CEP85L: variants seen among roughly 807,000 people sequenced by gnomAD.
CEP85L encodes the protein centrosomal protein of 85 kDa-like.
A neutral mutation model predicts 100.3 loss-of-function variants in CEP85L; 60 were observed. The observed-to-expected ratio is 0.60, with a 90% CI of 0.49 to 0.74. The LOEUF (loss-of-function observed/expected upper bound fraction) is 0.74. CEP85L is among the 30% of genes least tolerant of loss of function. CEP85L has a pLI of 0.00. For synonymous variants in CEP85L, 319 were observed against 322.7 expected (o/e 0.99, Z 0.12); for missense variants, 973 against 936.2 (o/e 1.04, Z -0.51).
At chr6:118,673,908 T>G (rs1452841719) in intron 1 of CEP85L, among the ~76,000 whole-genome samples, 1 of 152,166 alleles carries the variant, frequency 6.6e-6, no homozygotes, top group Non-Finnish European at 1.5e-5. Flanking sequence ...AACAAAAATC[T>G]TTAGAAAAAT....
chr6:118,494,012 A>G (rs907706270), intron 5 of CEP85L, among the ~76,000 whole-genome samples: 4 of 152,182 alleles, frequency 2.6e-5, no homozygotes, highest in African/African-American at 9.7e-5. Context: ...TGAAATATCA[A>G]CAAGTCTTCT....
At chr6:118,656,541 CTTGATA>C (rs1297703491), upstream of CEP85L, among the ~76,000 whole-genome samples, 1 of 152,156 alleles carries the variant, frequency 6.6e-6, no homozygotes, top group Non-Finnish European at 1.5e-5. Flanking sequence ...CAAGAAAGAC[CTTGATA>C]TTCAGCCATG....
At chr6:118,501,695 G>GA (rs1775312192) in intron 5 of CEP85L, 2 of 673,688 alleles carry the variant, frequency 3.0e-6, no homozygotes, top group Non-Finnish European at 5.5e-6. Flanking sequence ...TTTTAGCCAG[G>GA]AAAAAATTCA....
intron 1 of CEP85L, among the ~76,000 whole-genome samples, chr6:118,649,805 C>T (rs1022492054): frequency 1.3e-5 from 2 of 152,096 alleles, no homozygotes; most frequent in Non-Finnish European, 2.9e-5. Context: ...CAGGATCAAA[C>T]TTAAGTGAAT....
At chr6:118,476,473 C>CA (rs555126380) in intron 10 of CEP85L, among the ~76,000 whole-genome samples, 309 of 151,858 alleles carry the variant, frequency 2.0e-3, no homozygotes, top group African/African-American at 7.2e-3. Context: ...ATTCGGATAA[C>CA]AAAAAATAGG....
At chr6:118,580,689 T>G (rs1243863732) in intron 2 of CEP85L, among the ~76,000 whole-genome samples, 1 of 152,230 alleles carries the variant, frequency 6.6e-6, no homozygotes, top group Non-Finnish European at 1.5e-5. Flanking sequence ...GGGCACACCC[T>G]GGTGTGACTC....
intron 6 of CEP85L, 56 bp from the exon 7 acceptor site, chr6:118,483,914 A>G (rs939237037): frequency 6.6e-7 from 1 of 1,511,436 alleles, no homozygotes; most frequent in South Asian, 1.2e-5. Flanking sequence ...AAGATATAAC[A>G]AAACCAACAC....
chr6:118,699,720 C>T lies in CEP85L; in HGVS notation c.-28+10316G>A, dbSNP rs1437872173. Among the ~76,000 whole-genome samples the T allele has an allele frequency of 2.6e-5, 4 of 152,104 alleles. No homozygotes were observed. In the South Asian group the frequency reaches 6.2e-4, roughly 24 times the overall value. The stretch of plus-strand genomic sequence containing the variant: ...ATTATTATTATTTTTGAGACAGAGT[C>T]TCACTCTGTCATGCAGGCTGGAGGA... On this transcript the variant is annotated intron_variant, in intron 1 of 13. Coordinates refer to the CEP85L transcript ENST00000368488.
At chr6:118,594,779 C>G (rs1201936427) in intron 2 of CEP85L, among the ~76,000 whole-genome samples, 1 of 150,694 alleles carries the variant, frequency 6.6e-6, no homozygotes, top group Non-Finnish European at 1.5e-5. Context: ...TGGCGTGAAC[C>G]CGGGAGGCGG....
intron 2 of CEP85L, among the ~76,000 whole-genome samples, chr6:118,599,762 A>G (rs978411744): frequency 6.6e-6 from 1 of 152,222 alleles, no homozygotes; most frequent in African/African-American, 2.4e-5. Context: ...ATATTTTCAT[A>G]TCTGTAGTAT....
intron 2 of CEP85L, among the ~76,000 whole-genome samples, chr6:118,616,163 A>C (rs1399830671): frequency 6.6e-6 from 1 of 152,218 alleles, no homozygotes; most frequent in Non-Finnish European, 1.5e-5. Flanking sequence ...AAGAGTTCTT[A>C]AACTTGACAT....
chr6:118,505,864 A>C (rs1331368177), intron 5 of CEP85L, among the ~76,000 whole-genome samples: 1 of 152,174 alleles, frequency 6.6e-6, no homozygotes, highest in Non-Finnish European at 1.5e-5. Context: ...ACCAGGAGTG[A>C]TCCTAATATA....
intron 2 of CEP85L, among the ~76,000 whole-genome samples, chr6:118,592,158 T>G (rs1781224413): frequency 6.6e-6 from 1 of 152,196 alleles, no homozygotes; most frequent in Non-Finnish European, 1.5e-5. Context: ...TATATTATCC[T>G]ACACTATATC....
At chr6:118,678,449 A>G (rs1776547010) in intron 1 of CEP85L, among the ~76,000 whole-genome samples, 1 of 152,232 alleles carries the variant, frequency 6.6e-6, no homozygotes, top group Non-Finnish European at 1.5e-5. Context: ...GCAGCACATC[A>G]GAAAATCCAC....
intron 1 of CEP85L, among the ~76,000 whole-genome samples, chr6:118,685,262 A>G (rs576268943): frequency 1.6e-4 from 25 of 152,340 alleles, no homozygotes; most frequent in East Asian, 1.5e-3. Context: ...AGCACTTAGT[A>G]AGATGTACAG....
chr6:118,670,258 A>G (rs1776259729), intron 1 of CEP85L, among the ~76,000 whole-genome samples: 1 of 150,748 alleles, frequency 6.6e-6, no homozygotes, highest in African/African-American at 2.4e-5. Flanking sequence ...GTTCAGGGGT[A>G]CGAGTGCAGG....
At chr6:118,557,475 G>C (rs972249771) in intron 3 of CEP85L, among the ~76,000 whole-genome samples, 2 of 152,128 alleles carry the variant, frequency 1.3e-5, no homozygotes, top group African/African-American at 4.8e-5. Context: ...TATGTGTGGG[G>C]CTTGCATATT....
intron 2 of CEP85L, among the ~76,000 whole-genome samples, chr6:118,618,097 G>A (rs1259810704): frequency 6.6e-6 from 1 of 152,084 alleles, no homozygotes; most frequent in East Asian, 1.9e-4. Flanking sequence ...GTACACCCGG[G>A]AGTGCTCAGC....
At chr6:118,491,284 G>T in intron 6 of CEP85L, 1 of 188,250 alleles carries the variant, frequency 5.3e-6, no homozygotes, top group South Asian at 1.5e-4. Context: ...TTGGTTTTTA[G>T]CTTCTTATTC....
Sources: allele counts gnomAD v4.1 joint callset (sites outside exome capture counted in the v4.1 genomes callset), GRCh38; gene constraint gnomAD v4.1.1; transcripts MANE v1.5; gene names NCBI Gene and HGNC (gene_info 2026-07-23, HGNC 2026-07-21).